Variants in DNAH11 observed in about 807,000 individuals in gnomAD.
DNAH11 encodes the protein dynein axonemal heavy chain 11.
DNAH11 carries 442 observed loss-of-function variants against 526.0 expected under a neutral mutation model. The observed-to-expected ratio is 0.84, with a 90% confidence interval of 0.78 to 0.91. DNAH11 has a LOEUF of 0.91. Among genes scored for constraint, DNAH11 ranks in the 40% least tolerant of loss-of-function variants. The probability of loss-of-function intolerance (pLI) is 0.00; values close to 1 mark genes in which losing one functional copy is unlikely to be tolerated. For missense variants in DNAH11, 6,989 were observed against 5,448.7 expected (o/e 1.28, Z -8.90); for synonymous variants, 2,461 against 1,935.9 (o/e 1.27, Z -7.12).
intron 12 of DNAH11, among the ~76,000 whole-genome samples, 193 bp from the exon 13 acceptor site, chr7:21,590,724 AT>A (rs1430608658): frequency 1.3e-5 from 2 of 149,084 alleles, no homozygotes; most frequent in African/African-American, 2.5e-5. Context: ...TTTAAGGATA[AT>A]TCATATACCT....
At chr7:21,774,760 G>A (rs1787597514) in intron 56 of DNAH11, among the ~76,000 whole-genome samples, 1 of 152,260 alleles carries the variant, frequency 6.6e-6, no homozygotes, top group South Asian at 2.1e-4. Context: ...CTCTGTGGCT[G>A]GAAAGAAGAG....
rs995805116 is a variant in DNAH11 at position 21,689,636 on chromosome 7, C to T, written c.5925-1129C>T. On this transcript the variant is annotated intron_variant, in intron 34 of 81. Transcript: ENST00000409508. Reference sequence around the variant, plus strand: ...GTGAGCGGCCCTGCCAGCCTGTCTGCCTTCCCTAGCCTGACATTCTGGGAA... The same window carrying T: ...GTGAGCGGCCCTGCCAGCCTGTCTGTCTTCCCTAGCCTGACATTCTGGGAA... Among the ~76,000 whole-genome samples the T allele has an allele frequency of 4.6e-5, 7 of 152,216 alleles. No homozygotes were observed. The East Asian group carries it at 9.6e-4, about 21-fold the overall frequency.
chr7:21,709,795 G>T (rs1017948546), intron 40 of DNAH11, among the ~76,000 whole-genome samples: 1 of 152,204 alleles, frequency 6.6e-6, no homozygotes, highest in Non-Finnish European at 1.5e-5. Flanking sequence ...AGAAAAGTTT[G>T]CTGGCTGCTA....
intron 65 of DNAH11, among the ~76,000 whole-genome samples, chr7:21,830,532 A>C (rs571035786): frequency 1.1e-3 from 164 of 152,342 alleles, no homozygotes; most frequent in African/African-American, 3.8e-3. Flanking sequence ...AGAGGCTGAC[A>C]TTATAGGCTG....
At chr7:21,667,663 C>G (rs1782472638) in intron 30 of DNAH11, among the ~76,000 whole-genome samples, 1 of 151,978 alleles carries the variant, frequency 6.6e-6, no homozygotes, top group Admixed American at 6.6e-5. Flanking sequence ...GTTCTTTGAA[C>G]AGACCAATAA....
chr7:21,770,518 G>T (rs998565303), intron 55 of DNAH11, among the ~76,000 whole-genome samples: 1 of 152,106 alleles, frequency 6.6e-6, no homozygotes, highest in African/African-American at 2.4e-5. Context: ...CTGTGAATTT[G>T]CACTGCTTAC....
Position 21,901,499 on chromosome 7 carries a change from G to T in DNAH11, c.*245G>T. 1 of 369,310 alleles carries T rather than the reference G, an allele frequency of 2.7e-6. No individual in the cohort carries two copies. Among genetic ancestry groups the T allele is most frequent in the Non-Finnish European group, 4.4e-6 (1 of 227,814 alleles). 22.9% of individuals were successfully genotyped at this position (369,310 alleles called of 1,614,324 possible). A position where few individuals can be genotyped will look rare whatever the true frequency, so the allele number is the denominator to read the frequency against. On this transcript the variant is annotated 3_prime_UTR_variant, in exon 82 of 82. Transcript: ENST00000409508. ...TAGGAGAATCACTTGAACCTAGGAG[G>T]CAAAGGTTGCAGTGAGCCGAGGTTG...
intron 57 of DNAH11, among the ~76,000 whole-genome samples, 186 bp downstream of exon 57, chr7:21,779,290 C>T (rs914688062): frequency 2.0e-5 from 3 of 152,108 alleles, no homozygotes; most frequent in Admixed American, 6.6e-5. Flanking sequence ...TATGCATTTC[C>T]CCAACCTTTT....
At chr7:21,850,085 G>A (rs530787735) in intron 66 of DNAH11, among the ~76,000 whole-genome samples, 5 of 151,372 alleles carry the variant, frequency 3.3e-5, no homozygotes, top group Admixed American at 2.0e-4. Context: ...AGCCGGGCAC[G>A]GTGGCTCACG....
intron 1 of DNAH11, 61 bp downstream of exon 1, chr7:21,543,657 C>G (rs1782677968): frequency 6.6e-7 from 1 of 1,505,474 alleles, no homozygotes; most frequent in African/African-American, 1.4e-5. Flanking sequence ...GGAGACAGCC[C>G]AGTCGCTCCC....
intron 2 of DNAH11, among the ~76,000 whole-genome samples, chr7:21,558,224 C>T (rs1783299755): frequency 6.6e-6 from 1 of 152,160 alleles, no homozygotes; most frequent in South Asian, 2.1e-4. Context: ...GCAGCATTCT[C>T]TTATTAATTA....
chr7:21,813,842 G>A (rs915707772), intron 63 of DNAH11, among the ~76,000 whole-genome samples: 5 of 152,152 alleles, frequency 3.3e-5, no homozygotes, highest in South Asian at 2.1e-4. Context: ...CTCTTTGCAC[G>A]TGGTTTCCAA....
intron 36 of DNAH11, among the ~76,000 whole-genome samples, chr7:21,699,150 AT>A (rs1783963350): frequency 6.6e-6 from 1 of 152,110 alleles, no homozygotes; most frequent in South Asian, 2.1e-4. Context: ...GATAAGGCTA[AT>A]TTTCTGAAGA....
At chr7:21,637,797 G>A (rs1683116718) in intron 27 of DNAH11, 95 bp downstream of exon 27, 1 of 648,862 alleles carries the variant, frequency 1.5e-6, no homozygotes, top group Non-Finnish European at 2.4e-6. Flanking sequence ...TTATGGAGGT[G>A]CAACCTCTAC....
chr7:21,798,208 G>T (rs1021574861), intron 61 of DNAH11, among the ~76,000 whole-genome samples: 1 of 152,162 alleles, frequency 6.6e-6, no homozygotes, highest in Non-Finnish European at 1.5e-5. Flanking sequence ...CAATTCTTGT[G>T]CCTCAGCCTC....
chr7:21,602,531 C>T (rs1363670645), intron 18 of DNAH11, among the ~76,000 whole-genome samples: 1 of 151,190 alleles, frequency 6.6e-6, no homozygotes, highest in Admixed American at 6.6e-5. Flanking sequence ...GATTCTTTTT[C>T]TATGCCAATA....
At chr7:21,865,058 T>G (rs1158553024) in intron 70 of DNAH11, among the ~76,000 whole-genome samples, 3 of 152,206 alleles carry the variant, frequency 2.0e-5, no homozygotes, top group Non-Finnish European at 4.4e-5. Flanking sequence ...TACACCACAG[T>G]GGAGTCGTTT....
intron 34 of DNAH11, among the ~76,000 whole-genome samples, chr7:21,688,108 C>A (rs922385636): frequency 6.6e-6 from 1 of 152,264 alleles, no homozygotes; most frequent in South Asian, 2.1e-4. Flanking sequence ...TTGATCAGTT[C>A]TCAGTCCTCA....
intron 56 of DNAH11, among the ~76,000 whole-genome samples, chr7:21,778,480 T>C (rs1008004162): frequency 6.6e-6 from 1 of 152,220 alleles, no homozygotes; most frequent in Non-Finnish European, 1.5e-5. Context: ...CATTTTAATA[T>C]GCAGCCAATT....
Sources: gnomAD v4.1 joint callset for allele counts (sites outside exome capture counted in the v4.1 genomes callset) on GRCh38, gnomAD v4.1.1 for gene constraint, MANE v1.5 for transcripts, NCBI Gene and HGNC (gene_info 2026-07-23, HGNC 2026-07-21) for gene names.